Variants in KCNH8 observed in about 807,000 individuals in gnomAD.
KCNH8 encodes the protein potassium voltage-gated channel subfamily H member 8.
Under a neutral mutation model 103.6 loss-of-function variants are expected in KCNH8, and 70 were observed. The ratio of observed to expected loss-of-function variants is 0.68; its 90% CI spans 0.56 to 0.82. KCNH8 has a LOEUF of 0.82. KCNH8 is among the 40% of genes least tolerant of loss of function. The probability of loss-of-function intolerance (pLI) is 0.00; values close to 1 mark genes in which losing one functional copy is unlikely to be tolerated. For synonymous variants in KCNH8, 498 were observed against 489.4 expected (o/e 1.02, Z -0.23); for missense variants, 1,217 against 1,329.9 (o/e 0.92, Z 1.32).
intron 5 of KCNH8, among the ~76,000 whole-genome samples, chr3:19,380,291 T>G (rs1240534930): frequency 6.6e-6 from 1 of 152,150 alleles, no homozygotes. Flanking sequence ...ACTGGCAACT[T>G]CACATTTTTG....
chr3:19,357,520 T>A (rs1048153427), intron 5 of KCNH8, among the ~76,000 whole-genome samples: 3 of 151,962 alleles, frequency 2.0e-5, no homozygotes, highest in East Asian at 1.9e-4. Flanking sequence ...CGGCCCCTTT[T>A]ACTGGGCCAT....
At chr3:19,342,513 G>A in intron 3 of KCNH8, 74 bp from the exon 4 acceptor site, 1 of 1,459,254 alleles carries the variant, frequency 6.9e-7, no homozygotes, top group Non-Finnish European at 9.3e-7. Flanking sequence ...CTCTTGAAAG[G>A]GAACTGTCAA....
At chr3:19,414,186 G>T (rs922463362) in intron 7 of KCNH8, among the ~76,000 whole-genome samples, 1 of 152,008 alleles carries the variant, frequency 6.6e-6, no homozygotes, top group African/African-American at 2.4e-5. Flanking sequence ...CAGTAGCTTT[G>T]TTGTTCGATT....
At chr3:19,503,202 G>T (rs2068623842) in intron 11 of KCNH8, among the ~76,000 whole-genome samples, 2 of 151,664 alleles carry the variant, frequency 1.3e-5, no homozygotes. Context: ...GGCCATCAGA[G>T]AAATGCAAAT....
chr3:19,353,873 G>A (rs1160672389), intron 5 of KCNH8, among the ~76,000 whole-genome samples: 1 of 152,184 alleles, frequency 6.6e-6, no homozygotes, highest in Non-Finnish European at 1.5e-5. Context: ...AGTGATGGAA[G>A]TTCTGGCCAG....
At chr3:19,528,692 A>C in intron 15 of KCNH8, among the ~76,000 whole-genome samples, 1 of 152,248 alleles carries the variant, frequency 6.6e-6, no homozygotes, top group South Asian at 2.1e-4. Flanking sequence ...TAAAATATTT[A>C]TGGTAAAATC....
intron 9 of KCNH8, chr3:19,450,926 T>A (rs2067438249): frequency 1.9e-6 from 1 of 519,664 alleles, no homozygotes; most frequent in East Asian, 3.4e-5. Flanking sequence ...GAGGCTTTTT[T>A]AATTTGTTCT....
chr3:19,237,875 C>T (rs949238146), intron 1 of KCNH8, among the ~76,000 whole-genome samples: 5 of 151,914 alleles, frequency 3.3e-5, no homozygotes, highest in South Asian at 2.1e-4. Flanking sequence ...GAAAAAAATG[C>T]GATTAAAGGT....
At chr3:19,476,595 CAG>C (rs2067981572) in intron 11 of KCNH8, among the ~76,000 whole-genome samples, 1 of 152,094 alleles carries the variant, frequency 6.6e-6, no homozygotes, top group African/African-American at 2.4e-5. Flanking sequence ...TGAATTTAAA[CAG>C]TGTAAATTCT....
At chr3:19,168,113 C>A (rs1222062102) in intron 1 of KCNH8, among the ~76,000 whole-genome samples, 1 of 151,646 alleles carries the variant, frequency 6.6e-6, no homozygotes, top group Non-Finnish European at 1.5e-5. Context: ...TTGGTTCAAG[C>A]GATTCTCCTG....
chr3:19,498,902 G>A (rs1360069087), intron 11 of KCNH8, among the ~76,000 whole-genome samples: 3 of 152,236 alleles, frequency 2.0e-5, no homozygotes, highest in South Asian at 4.1e-4. Context: ...TGGGGGTCAG[G>A]GGTCAGGGAC....
chr3:19,391,850 C>T (rs2066442412), intron 6 of KCNH8: 1 of 151,776 alleles, frequency 6.6e-6, no homozygotes. Context: ...GATAAGTGTA[C>T]CATCATGAAA....
chr3:19,513,963 T>TAACAGCTGAATAATAATAAATAAAA (rs377204904), intron 13 of KCNH8, among the ~76,000 whole-genome samples: 2,222 of 151,918 alleles, frequency 0.015, 54 homozygotes, highest in African/African-American at 0.049. Flanking sequence ...CAAAATCACA[T>TAACAGCTGAATAATAATAAATAAAA]AACAGCTGAA....
At chr3:19,306,117 G>A (rs150872276) in intron 3 of KCNH8, among the ~76,000 whole-genome samples, 7 of 152,072 alleles carry the variant, frequency 4.6e-5, no homozygotes, top group East Asian at 1.9e-4. Context: ...AAGTTATGCC[G>A]CATGCATGTA....
chr3:19,383,316 T>A (rs531883384), intron 5 of KCNH8, among the ~76,000 whole-genome samples: 3 of 152,310 alleles, frequency 2.0e-5, no homozygotes, highest in East Asian at 3.9e-4. Context: ...CATGTGGGAT[T>A]TCATTTTGGG....
intron 11 of KCNH8, among the ~76,000 whole-genome samples, chr3:19,465,359 G>A (rs554009310): frequency 2.0e-5 from 3 of 152,282 alleles, no homozygotes; most frequent in East Asian, 1.9e-4. Context: ...TCTGTTTACA[G>A]TATGGTTTAC....
intron 7 of KCNH8, among the ~76,000 whole-genome samples, chr3:19,427,745 G>C (rs1415485168): frequency 6.6e-6 from 1 of 152,100 alleles, no homozygotes; most frequent in Non-Finnish European, 1.5e-5. Context: ...TAATAGCTAG[G>C]GTTTCTGGGA....
intron 3 of KCNH8, among the ~76,000 whole-genome samples, chr3:19,291,621 A>C (rs1346893898): frequency 2.0e-5 from 3 of 152,166 alleles, no homozygotes; most frequent in Non-Finnish European, 2.9e-5. Flanking sequence ...GTTTGTTATA[A>C]TTTCTGTTCT....
chr3:19,333,655 A>G (rs933564925), intron 3 of KCNH8, among the ~76,000 whole-genome samples: 11 of 152,314 alleles, frequency 7.2e-5, no homozygotes, highest in African/African-American at 2.4e-4. Flanking sequence ...TAAAATATAC[A>G]ATCCATATAC....
Sources: allele counts gnomAD v4.1 joint callset (sites outside exome capture counted in the v4.1 genomes callset), GRCh38; gene constraint gnomAD v4.1.1; transcripts MANE v1.5; gene names NCBI Gene and HGNC (gene_info 2026-07-23, HGNC 2026-07-21).